SHCBP1L: variants seen among roughly 807,000 people sequenced by gnomAD.
SHCBP1L encodes testicular spindle-associated protein SHCBP1L.
In SHCBP1L, 67 loss-of-function variants were observed where a neutral mutation model predicts 62.5. That is an observed-to-expected ratio of 1.07 (90% CI 0.88 to 1.31). The LOEUF is 1.31. SHCBP1L is among the 40% of genes most tolerant of loss of function. The probability of loss-of-function intolerance (pLI) is 0.00; values close to 1 mark genes in which losing one functional copy is unlikely to be tolerated. For missense variants in SHCBP1L, 823 were observed against 809.8 expected (o/e 1.02, Z -0.20); for synonymous variants, 284 against 289.4 (o/e 0.98, Z 0.19).
At chr1:182,944,607 A>AT (rs1358979275) in intron 2 of SHCBP1L, 1 of 151,688 alleles carries the variant, frequency 6.6e-6, no homozygotes, top group Non-Finnish European at 1.5e-5. Context: ...TTAGCTGATT[A>AT]TTTTTTGACA....
rs370580263 is a variant in SHCBP1L, at chr1:182,939,574, A to G, written c.771-21T>C. On this transcript the variant is annotated intron_variant, in intron 3 of 9. Coordinates refer to ENST00000367547, the MANE Select transcript of SHCBP1L (RefSeq NM_030933.4). ...AAAACCTACGATAAACCAAATTAAG[A>G]TGACAGTAATCAAAAACAGCCACTA... is the stretch of plus-strand genomic sequence containing the variant. The G allele has an allele frequency of 4.5e-6, 7 of 1,553,882 alleles. No individual in the cohort carries two copies. In the East Asian group the frequency reaches 1.6e-4, roughly 35 times the overall value.
At chr1:182,936,032 G>T (rs1407574232) in intron 5 of SHCBP1L, among the ~76,000 whole-genome samples, 5 of 151,566 alleles carry the variant, frequency 3.3e-5, no homozygotes, top group Admixed American at 6.6e-5. Flanking sequence ...CCATATTGTA[G>T]CTGGTTTCTA....
chr1:182,939,948 G>A (rs1651302314), intron 3 of SHCBP1L, among the ~76,000 whole-genome samples: 1 of 151,900 alleles, frequency 6.6e-6, no homozygotes, highest in African/African-American at 2.4e-5. Flanking sequence ...CTTATAAGAA[G>A]CAATCATAAT....
intron 6 of SHCBP1L, among the ~76,000 whole-genome samples, chr1:182,915,392 G>A (rs937171879): frequency 6.6e-6 from 1 of 152,032 alleles, no homozygotes; most frequent in Non-Finnish European, 1.5e-5. Context: ...TCAAGAAGAT[G>A]TACCAATAAG....
At chr1:182,924,893 AAGAG>A (rs370354957) in intron 6 of SHCBP1L, among the ~76,000 whole-genome samples, 3,672 of 121,022 alleles carry the variant, frequency 0.03, 79 homozygotes, top group Admixed American at 0.043. Flanking sequence ...GGGAAAGACA[AAGAG>A]AGAGAGAGAA....
chr1:182,927,399 G>T (rs937886503), intron 6 of SHCBP1L, among the ~76,000 whole-genome samples: 5 of 152,002 alleles, frequency 3.3e-5, no homozygotes, highest in Non-Finnish European at 7.4e-5. Flanking sequence ...GCAGCCGGGC[G>T]CGGTGGCTCA....
chr1:182,939,128 A>C (rs778241013), intron 5 of SHCBP1L, 48 bp downstream of exon 5: 1 of 1,434,056 alleles, frequency 7.0e-7, no homozygotes, highest in East Asian at 2.3e-5. Context: ...TGATAAAATA[A>C]TAACCATGTA....
At chr1:182,926,195 A>T (rs1374133440) in intron 6 of SHCBP1L, among the ~76,000 whole-genome samples, 1 of 152,176 alleles carries the variant, frequency 6.6e-6, no homozygotes, top group African/African-American at 2.4e-5. Flanking sequence ...TTTCACCTCA[A>T]GTTTTTTAAG....
intron 2 of SHCBP1L, among the ~76,000 whole-genome samples, chr1:182,945,048 C>T (rs1376658297): frequency 1.4e-5 from 2 of 141,310 alleles, no homozygotes; most frequent in African/African-American, 2.7e-5. Flanking sequence ...TGCAACTCCT[C>T]TGCCTCCCGG....
At chr1:182,947,143 A>C (rs1371895729) in intron 2 of SHCBP1L, among the ~76,000 whole-genome samples, 1 of 151,362 alleles carries the variant, frequency 6.6e-6, no homozygotes, top group Non-Finnish European at 1.5e-5. Context: ...AGGCTGAGGC[A>C]GGAAAATCAC....
At position 182,900,921 on chromosome 1, in the gene SHCBP1L, ATTTAC is replaced by A. The variant is rs565333319; in HGVS notation, c.1711-692_1711-688del. Reference sequence around the variant, plus strand: ...AAGAAAATATTTAATGAAGTTTTCAATTTACTTTTATCAGTTATTGATAAAAACAA... The same window carrying A: ...AAGAAAATATTTAATGAAGTTTTCAATTTTATCAGTTATTGATAAAAACAA... On this transcript the variant is annotated intron_variant, in intron 9 of 9. Coordinates refer to ENST00000367547, the MANE Select transcript of SHCBP1L (RefSeq NM_030933.4). Among the ~76,000 whole-genome samples the A allele has an allele frequency of 6.8e-3, 1,036 of 152,340 alleles. 14 individuals are homozygous for A. The highest frequency in any genetic ancestry group is 0.023 in the African/African-American group (964 of 41,574).
intron 9 of SHCBP1L, among the ~76,000 whole-genome samples, chr1:182,900,660 T>C (rs947306803): frequency 1.3e-5 from 2 of 152,210 alleles, no homozygotes; most frequent in African/African-American, 4.8e-5. Context: ...CTCGAGCTCC[T>C]GACCTCGTGA....
intron 6 of SHCBP1L, among the ~76,000 whole-genome samples, chr1:182,915,999 G>T (rs1462091310): frequency 6.6e-6 from 1 of 151,916 alleles, no homozygotes; most frequent in Non-Finnish European, 1.5e-5. Flanking sequence ...GTGGAGACGG[G>T]GTTTCACCGT....
chr1:182,948,627 T>C (rs933980273), intron 2 of SHCBP1L, among the ~76,000 whole-genome samples: 4 of 152,226 alleles, frequency 2.6e-5, no homozygotes, highest in Non-Finnish European at 4.4e-5. Flanking sequence ...CATGTCAGAC[T>C]TCTGACCTAC....
At chr1:182,934,031 TTA>T (rs1019539446) in intron 5 of SHCBP1L, among the ~76,000 whole-genome samples, 1 of 152,172 alleles carries the variant, frequency 6.6e-6, no homozygotes, top group Non-Finnish European at 1.5e-5. Context: ...CAGTCAGAAT[TTA>T]TGTTTCTGCT....
chr1:182,931,213 G>T (rs191242561), intron 5 of SHCBP1L, among the ~76,000 whole-genome samples: 1 of 151,478 alleles, frequency 6.6e-6, no homozygotes, highest in Non-Finnish European at 1.5e-5. Flanking sequence ...TAAGCAAGTG[G>T]TCTTGATCTT....
intron 2 of SHCBP1L, chr1:182,942,423 G>T: frequency 5.7e-6 from 4 of 699,538 alleles, no homozygotes; most frequent in Non-Finnish European, 1.1e-5. Context: ...GGCAGGGCGC[G>T]TGCCGGGTGC....
At chr1:182,930,081 G>C (rs1170007165) in intron 5 of SHCBP1L, among the ~76,000 whole-genome samples, 1 of 152,120 alleles carries the variant, frequency 6.6e-6, no homozygotes, top group African/African-American at 2.4e-5. Context: ...ATAATCCATT[G>C]AGTTGTAGAC....
chr1:182,911,377 A>C (rs1320822475), intron 6 of SHCBP1L, among the ~76,000 whole-genome samples: 2 of 152,236 alleles, frequency 1.3e-5, no homozygotes, highest in East Asian at 3.8e-4. Flanking sequence ...AACCCTGGGG[A>C]GGAGTAGAAT....
Sources: gnomAD v4.1 joint callset for allele counts (sites outside exome capture counted in the v4.1 genomes callset) on GRCh38, gnomAD v4.1.1 for gene constraint, MANE v1.5 for transcripts, NCBI Gene and HGNC (gene_info 2026-07-23, HGNC 2026-07-21) for gene names.